CTIF: variants seen among roughly 807,000 people sequenced by gnomAD.
CTIF encodes CBP80/20-dependent translation initiation factor.
Under a neutral mutation model 66.0 loss-of-function variants are expected in CTIF, and 21 were observed. That is an observed-to-expected ratio of 0.32 (90% CI 0.23 to 0.46). CTIF has a LOEUF of 0.46. Ranked by LOEUF, CTIF falls within the 20% of genes least tolerant of loss-of-function variation. The pLI, the probability that CTIF is intolerant of heterozygous loss-of-function variation, is 1.00. For synonymous variants in CTIF, 345 were observed against 326.4 expected (o/e 1.06, Z -0.62); for missense variants, 739 against 812.7 (o/e 0.91, Z 1.10).
At chr18:48,633,695 C>G (rs2090761892) in intron 2 of CTIF, among the ~76,000 whole-genome samples, 1 of 127,802 alleles carries the variant, frequency 7.8e-6, no homozygotes, top group South Asian at 2.4e-4. Flanking sequence ...GAATGAGCCT[C>G]CATCTCAATA....
chr18:48,695,475 A>G (rs528015163), intron 6 of CTIF, among the ~76,000 whole-genome samples: 1 of 152,290 alleles, frequency 6.6e-6, no homozygotes, highest in African/African-American at 2.4e-5. Flanking sequence ...GCATTCCGCT[A>G]CGGTTCAATC....
intron 9 of CTIF, among the ~76,000 whole-genome samples, chr18:48,808,516 C>CCT (rs2068196507): frequency 7.4e-6 from 1 of 135,540 alleles, no homozygotes; most frequent in African/African-American, 2.7e-5. Context: ...ATTTTTGGTC[C>CCT]TTTTTTTTTT....
intron 1 of CTIF, among the ~76,000 whole-genome samples, chr18:48,559,699 G>A (rs1027850100): frequency 1.3e-5 from 2 of 152,156 alleles, no homozygotes; most frequent in East Asian, 1.9e-4. Context: ...CTCCATGCAG[G>A]TTTCTCCACA....
At chr18:48,594,487 G>A (rs975412511) in intron 1 of CTIF, among the ~76,000 whole-genome samples, 1 of 152,144 alleles carries the variant, frequency 6.6e-6, no homozygotes, top group South Asian at 2.1e-4. Context: ...AGGCCCAGGG[G>A]CTGAGGCCTG....
At chr18:48,676,391 G>A (rs116061505) in intron 6 of CTIF, among the ~76,000 whole-genome samples, 2,844 of 152,308 alleles carry the variant, frequency 0.019, 88 homozygotes, top group African/African-American at 0.063. Flanking sequence ...GCTGTCTTTG[G>A]TCTGACAGTA....
rs1293045894 is a variant in CTIF at position 48,859,487 on chromosome 18, T to C, written c.1725T>C (p.Ala575=). ...SLLLEVIELH[A]NSWNPLTPPI... ...TCCTAGAGGTCATCGAGCTCCACGC[T>C]AACAGCTGGAACCCTCTGACGCCCC... Residue 575 remains alanine, a synonymous_variant, in exon 12 of 12, where the codon GCT becomes GCC. Coordinates refer to ENST00000256413, the MANE Select transcript of CTIF (RefSeq NM_014772.3). 2 of 1,614,046 alleles carry C rather than the reference T, an allele frequency of 1.2e-6. No homozygotes were observed. The highest frequency in any genetic ancestry group is 1.3e-5 in the African/African-American group (1 of 74,906).
intron 9 of CTIF, among the ~76,000 whole-genome samples, chr18:48,768,179 G>C (rs1909755056): frequency 6.6e-6 from 1 of 152,146 alleles, no homozygotes; most frequent in South Asian, 2.1e-4. Context: ...ATTCCCCTTT[G>C]TCAGAAGTTT....
At chr18:48,703,273 G>A (rs569636525) in intron 6 of CTIF, among the ~76,000 whole-genome samples, 1 of 152,300 alleles carries the variant, frequency 6.6e-6, no homozygotes, top group East Asian at 1.9e-4. Context: ...GGATATCCAG[G>A]CACTGTGGGG....
chr18:48,570,646 A>G (rs2089395894), intron 1 of CTIF, among the ~76,000 whole-genome samples: 1 of 152,210 alleles, frequency 6.6e-6, no homozygotes, highest in Non-Finnish European at 1.5e-5. Context: ...GTGATGATTG[A>G]GTAAGTTGAG....
At chr18:48,793,579 C>G (rs1051319152) in intron 9 of CTIF, among the ~76,000 whole-genome samples, 1 of 152,188 alleles carries the variant, frequency 6.6e-6, no homozygotes. Context: ...TAAACAGAAT[C>G]CCTTGGCGCA....
intron 9 of CTIF, among the ~76,000 whole-genome samples, chr18:48,797,437 C>T (rs576367678): frequency 1.1e-4 from 17 of 150,310 alleles, no homozygotes; most frequent in Admixed American, 3.4e-4. Flanking sequence ...GAGCCAAGAT[C>T]GCACCACTGC....
intron 9 of CTIF, among the ~76,000 whole-genome samples, chr18:48,793,896 A>C (rs2067849507): frequency 6.6e-6 from 1 of 152,208 alleles, no homozygotes; most frequent in Admixed American, 6.5e-5. Context: ...ACTGTATCAC[A>C]TAGCCCAGCC....
At chr18:48,766,202 C>T (rs1426146354) in intron 9 of CTIF, among the ~76,000 whole-genome samples, 1 of 149,530 alleles carries the variant, frequency 6.7e-6, no homozygotes, top group Non-Finnish European at 1.5e-5. Flanking sequence ...ATATGAATCA[C>T]GTGGGATTTT....
chr18:48,805,113 T>TG (rs1218172073), intron 9 of CTIF, among the ~76,000 whole-genome samples: 2 of 152,212 alleles, frequency 1.3e-5, no homozygotes, highest in Non-Finnish European at 2.9e-5. Context: ...TCTCTCAGGC[T>TG]GGGGGTAACC....
chr18:48,642,947 G>A (rs1321369743), intron 3 of CTIF, among the ~76,000 whole-genome samples: 1 of 152,172 alleles, frequency 6.6e-6, no homozygotes, highest in Admixed American at 6.6e-5. Context: ...CCCAGAACGG[G>A]TCATGTGGCC....
chr18:48,717,121 G>A (rs908013734), intron 7 of CTIF, among the ~76,000 whole-genome samples: 2 of 152,282 alleles, frequency 1.3e-5, no homozygotes, highest in East Asian at 1.9e-4. Flanking sequence ...TTTTGGGGCC[G>A]GGCGTGGAGG....
chr18:48,543,727 G>A (rs1348310587), intron 1 of CTIF, among the ~76,000 whole-genome samples: 3 of 152,160 alleles, frequency 2.0e-5, no homozygotes, highest in Non-Finnish European at 4.4e-5. Flanking sequence ...AGCAGAGTGG[G>A]TAAAAAATCC....
At chr18:48,636,240 G>A (rs911588204) in intron 2 of CTIF, among the ~76,000 whole-genome samples, 3 of 152,332 alleles carry the variant, frequency 2.0e-5, no homozygotes, top group South Asian at 2.1e-4. Context: ...GGCCACACCC[G>A]TGATGTAATA....
At chr18:48,806,625 C>A (rs553562911) in intron 9 of CTIF, among the ~76,000 whole-genome samples, 98 of 152,314 alleles carry the variant, frequency 6.4e-4, no homozygotes, top group African/African-American at 2.3e-3. Flanking sequence ...GCCTCGACTA[C>A]CCCCAACCCC....
Sources: gnomAD v4.1 joint callset for allele counts (sites outside exome capture counted in the v4.1 genomes callset) on GRCh38, gnomAD v4.1.1 for gene constraint, MANE v1.5 for transcripts, NCBI Gene and HGNC (gene_info 2026-07-23, HGNC 2026-07-21) for gene names.